ZC4H2: variants seen among roughly 807,000 people sequenced by gnomAD.
ZC4H2 encodes zinc finger C4H2 domain-containing protein.
For synonymous variants in ZC4H2, 84 were observed against 66.3 expected (o/e 1.27, Z -1.30); for missense variants, 137 against 173.9 (o/e 0.79, Z 1.19).
intron 1 of ZC4H2, among the ~76,000 whole-genome samples, chrX:64,947,454 C>T (rs952716350): frequency 8.9e-6 from 1 of 111,972 alleles, no homozygotes; most frequent in Non-Finnish European, 1.9e-5. Flanking sequence ...AGACTGTATA[C>T]CTAGGCTAAA....
At chrX:64,953,922 T>C (rs1456992642) in intron 1 of ZC4H2, among the ~76,000 whole-genome samples, 1 of 111,087 alleles carries the variant, frequency 9.0e-6, no homozygotes, top group Non-Finnish European at 1.9e-5. Flanking sequence ...CCAAGCCAAA[T>C]GTCCAACAAT....
intron 1 of ZC4H2, among the ~76,000 whole-genome samples, chrX:64,951,815 T>A (rs920712301): frequency 5.4e-5 from 6 of 111,342 alleles, no homozygotes; most frequent in Non-Finnish European, 1.1e-4. Context: ...TTAGATCCCA[T>A]TTGTCAATTT....
intron 1 of ZC4H2, chrX:64,965,421 T>C (rs1366877076): frequency 3.2e-6 from 1 of 309,995 alleles, no homozygotes; most frequent in Non-Finnish European, 6.1e-6. Context: ...CAGCTGAACA[T>C]CCAAATGCAA....
chrX:64,943,125 C>G (rs1930370838), intron 1 of ZC4H2, among the ~76,000 whole-genome samples: 1 of 111,201 alleles, frequency 9.0e-6, no homozygotes, highest in African/African-American at 3.3e-5. Context: ...TAAATGTCTT[C>G]TTTTGAAGTT....
At chrX:64,923,646 C>T (rs1929302022) in intron 1 of ZC4H2, among the ~76,000 whole-genome samples, 1 of 107,910 alleles carries the variant, frequency 9.3e-6, no homozygotes, top group Non-Finnish European at 1.9e-5. Context: ...AGAAGTTTCT[C>T]TTTCTATACT....
intron 1 of ZC4H2, among the ~76,000 whole-genome samples, chrX:64,929,252 T>G (rs543546080): frequency 1.8e-5 from 2 of 111,251 alleles, no homozygotes; most frequent in Admixed American, 1.9e-4. Context: ...TTGAGTTCCT[T>G]GTAGATTCTG....
chrX:64,955,013 A>T (rs1031542748), intron 1 of ZC4H2, among the ~76,000 whole-genome samples: 11 of 111,867 alleles, frequency 9.8e-5, no homozygotes, highest in East Asian at 5.6e-4. Flanking sequence ...CAGGACAGCC[A>T]CTTTGTCCTT....
intron 1 of ZC4H2, among the ~76,000 whole-genome samples, chrX:64,984,872 T>C (rs1020533064): frequency 2.7e-5 from 3 of 112,268 alleles, no homozygotes; most frequent in African/African-American, 9.7e-5. Context: ...CAAGGGCAAC[T>C]TGGAGGTTAG....
At chrX:65,020,692 T>G (rs1016870134) in intron 1 of ZC4H2, among the ~76,000 whole-genome samples, 1 of 111,443 alleles carries the variant, frequency 9.0e-6, no homozygotes, top group Non-Finnish European at 1.9e-5. Flanking sequence ...AATATTAACC[T>G]TAAAAGTAAA....
intron 1 of ZC4H2, among the ~76,000 whole-genome samples, chrX:65,009,226 C>T (rs1296731279): frequency 8.9e-6 from 1 of 111,799 alleles, no homozygotes; most frequent in Non-Finnish European, 1.9e-5. Flanking sequence ...TCTTTGCAAG[C>T]TACTTCAGGA....
At chrX:64,949,058 A>G (rs1170891646) in intron 1 of ZC4H2, among the ~76,000 whole-genome samples, 1 of 111,800 alleles carries the variant, frequency 8.9e-6, no homozygotes, top group Non-Finnish European at 1.9e-5. Flanking sequence ...AAAAATTTGT[A>G]AAGGGTAATA....
At chrX:64,919,793 T>C in intron 3 of ZC4H2, 1 of 285,293 alleles carries the variant, frequency 3.5e-6, no homozygotes, top group Non-Finnish European at 6.1e-6. Context: ...TAGTCTTGTA[T>C]TGTCAATATC....
chrX:64,993,307 C>A (rs752440809), intron 1 of ZC4H2, among the ~76,000 whole-genome samples: 1 of 111,698 alleles, frequency 9.0e-6, no homozygotes, highest in African/African-American at 3.3e-5. Context: ...GGTGTTATCA[C>A]CCTGCCATTC....
In ZC4H2 at chrX:64,919,136, G is replaced by A. The variant is rs747677694; in HGVS notation, c.467C>T (p.Ala156Val). 8 of 1,209,250 alleles carry A rather than the reference G, an allele frequency of 6.6e-6. No individual in the cohort carries two copies. Among genetic ancestry groups the A allele is most frequent in the Non-Finnish European group, 6.7e-6 (6 of 894,051 alleles). ...CTGTTGGGCGGCAGCGGCTGCAGCG[G>A]CCAGGGACTCAGGGATGGGGGGCTC... ...PQEPPIPESL[A>V]AAAAAAQQLQ... The change falls in exon 4 of 5, where the codon GCC becomes GTC. Residue 156 changes from alanine (A) to valine (V), a missense_variant. Physicochemically the swap from Ala to Val is moderately conservative, Grantham distance 64. Transcript: ENST00000374839.
chrX:64,988,364 G>T (rs1424190477), intron 1 of ZC4H2, among the ~76,000 whole-genome samples: 1 of 111,331 alleles, frequency 9.0e-6, no homozygotes, highest in African/African-American at 3.3e-5. Context: ...GTGTAAAAGT[G>T]TTCCTATTTC....
intron 1 of ZC4H2, among the ~76,000 whole-genome samples, chrX:64,934,949 C>A (rs1460044875): frequency 1.8e-5 from 2 of 108,420 alleles, no homozygotes; most frequent in Non-Finnish European, 3.9e-5. Flanking sequence ...TTTTTTTTTC[C>A]CCCATACCTT....
At chrX:64,920,831 CAG>C (rs1929165015) in intron 2 of ZC4H2, among the ~76,000 whole-genome samples, 1 of 112,393 alleles carries the variant, frequency 8.9e-6, no homozygotes, top group Non-Finnish European at 1.9e-5. Flanking sequence ...CATACAAAAT[CAG>C]AAAATCAGGG....
chrX:64,968,471 G>A (rs953885357), intron 1 of ZC4H2, among the ~76,000 whole-genome samples: 1 of 111,442 alleles, frequency 9.0e-6, no homozygotes, highest in South Asian at 3.8e-4. Flanking sequence ...GAATCTCTTG[G>A]CACCTTGGAA....
At chrX:64,933,989 T>G (rs963524625) in intron 1 of ZC4H2, among the ~76,000 whole-genome samples, 2 of 111,033 alleles carry the variant, frequency 1.8e-5, no homozygotes, top group East Asian at 5.7e-4. Flanking sequence ...GGGTGAAGAG[T>G]GGAAGCTACC....
Sources: gnomAD v4.1 joint callset for allele counts (sites outside exome capture counted in the v4.1 genomes callset) on GRCh38, gnomAD v4.1.1 for gene constraint, MANE v1.5 for transcripts, NCBI Gene and HGNC (gene_info 2026-07-23, HGNC 2026-07-21) for gene names.